Variants in CCDC92B observed in about 807,000 individuals in gnomAD.
CCDC92B encodes coiled-coil domain-containing 92B.
Under a neutral mutation model 5.6 loss-of-function variants are expected in CCDC92B, and 2 were observed. The ratio of observed to expected loss-of-function variants is 0.36; its 90% CI spans 0.15 to 1.12. The LOEUF (loss-of-function observed/expected upper bound fraction) is 1.12. Among genes scored for constraint, CCDC92B ranks in the 50% most tolerant of loss-of-function variants. The pLI, the probability that CCDC92B is intolerant of heterozygous loss-of-function variation, is 0.40. For synonymous variants in CCDC92B, 115 were observed against 122.3 expected (o/e 0.94, Z 0.39); for missense variants, 271 against 262.2 (o/e 1.03, Z -0.23).
In CCDC92B at chr17:2,737,768, G is replaced by A. The variant is rs761007041; in HGVS notation, c.-23-2600C>T. Among the ~76,000 whole-genome samples, 6 of 151,962 alleles carry A rather than the reference G, an allele frequency of 3.9e-5. No individual in the cohort carries two copies. The East Asian group carries it at 7.8e-4, about 20-fold the overall frequency. On this transcript the variant is annotated intron_variant, in intron 1 of 3. Transcript: ENST00000614400. ...TGGTATTACGGGCGTGAGCCACCGC[G>A]TCCAGCCATCCAAATAGGCCTTTAA...
At chr17:2,726,940 G>C (rs1158814695) in intron 3 of CCDC92B, among the ~76,000 whole-genome samples, 1 of 131,022 alleles carries the variant, frequency 7.6e-6, no homozygotes, top group Non-Finnish European at 1.6e-5. Context: ...TTGAGACAAA[G>C]TCTCCCTCTT....
At chr17:2,734,875 T>C in intron 2 of CCDC92B, 141 bp downstream of exon 2, 1 of 562,796 alleles carries the variant, frequency 1.8e-6, no homozygotes, top group Non-Finnish European at 2.3e-6. Flanking sequence ...AAGTCCCAGT[T>C]TCCTTAATCA....
intron 2 of CCDC92B, among the ~76,000 whole-genome samples, chr17:2,734,434 C>T (rs16952346): frequency 0.024 from 3,708 of 151,756 alleles, 149 homozygotes; most frequent in African/African-American, 0.086. Context: ...AAGAGTGACT[C>T]GGAAAGGATG....
At position 2,724,931 on chromosome 17, in the gene CCDC92B, G is replaced by T; in HGVS notation, c.248C>A (p.Ala83Asp). ...CACCTCCCGCCGCAGCTCCGCGTTG[G>T]CCGCAGCACGCGCCTCCAGCTGCGA... ...LESQLEARAA[A>D]NAELRREVAQ... The change falls in exon 4 of 4, where the codon GCC becomes GAC. Residue 83 changes from alanine to aspartate, a missense_variant. Transcript: ENST00000614400. The surrounding 1 kb of genome is among the most constrained non-coding windows in gnomAD (Gnocchi z 5.0). 2.0e-6 allele frequency: 2 copies of T among 985,470 alleles called. No homozygotes were observed. The highest frequency in any genetic ancestry group is 4.7e-5 in the South Asian group (1 of 21,298). The allele number at this position is 985,470 out of a possible 1,614,324, so 61.0% of individuals were successfully genotyped here. A position where few individuals can be genotyped will look rare whatever the true frequency, so the allele number is the denominator to read the frequency against.
rs1332758381 is a variant in CCDC92B at position 2,733,005 on chromosome 17, CCT to C, written c.130+2009_130+2010del. ...TCCAGCCTGGGCGACAGAGCAAGACCCTGTCTCAAAATAAATAAATAAATAAA... is the reference window on the plus strand; with the variant it reads ...TCCAGCCTGGGCGACAGAGCAAGACCGTCTCAAAATAAATAAATAAATAAA... On this transcript the variant is annotated intron_variant, in intron 2 of 3. Coordinates refer to ENST00000614400, the MANE Select transcript of CCDC92B (RefSeq NM_001355573.2). 2.7e-5 allele frequency among the ~76,000 whole-genome samples: 4 copies of C among 149,320 alleles called. No homozygotes were observed. In the East Asian group the frequency reaches 7.8e-4, roughly 29 times the overall value.
At chr17:2,728,565 T>C (rs1032425371) in intron 3 of CCDC92B, among the ~76,000 whole-genome samples, 2 of 148,424 alleles carry the variant, frequency 1.3e-5, no homozygotes, top group East Asian at 2.0e-4. Flanking sequence ...ACCGCACCAC[T>C]GCACTCCAGC....
intron 1 of CCDC92B, among the ~76,000 whole-genome samples, chr17:2,738,122 C>G (rs886937910): frequency 6.6e-6 from 1 of 151,968 alleles, no homozygotes; most frequent in African/African-American, 2.4e-5. Flanking sequence ...TCACTGCAGC[C>G]TCAAACTCCT....
chr17:2,730,364 A>C lies in CCDC92B; in HGVS notation c.178+82T>G, dbSNP rs951999727. The C allele has an allele frequency of 6.4e-6, 5 of 780,954 alleles. No homozygotes were observed. The African/African-American group carries it at 9.4e-5, about 15-fold the overall frequency. 48.4% of individuals were successfully genotyped at this position (780,954 alleles called of 1,614,324 possible). ...CCCAAGTCTAGGCTGGGGACAGAGA[A>C]GGTTTGGGTCCTGCAAAGGGCTGGG... On this transcript the variant is annotated intron_variant, in intron 3 of 3. Transcript: ENST00000614400.
At chr17:2,742,407 G>C (rs1390520975) in intron 1 of CCDC92B, among the ~76,000 whole-genome samples, 1 of 152,138 alleles carries the variant, frequency 6.6e-6, no homozygotes, top group Non-Finnish European at 1.5e-5. Context: ...GGTGATGGTG[G>C]CCTGGATGAG....
intron 2 of CCDC92B, among the ~76,000 whole-genome samples, chr17:2,733,698 T>C (rs1198949019): frequency 6.8e-6 from 1 of 147,786 alleles, no homozygotes; most frequent in Non-Finnish European, 1.5e-5. Context: ...GCTGACCCTG[T>C]CTGTGGAGCC....
chr17:2,739,106 G>A (rs6502493), intron 1 of CCDC92B, among the ~76,000 whole-genome samples: 145,520 of 149,768 alleles, frequency 0.97, 70,816 homozygotes, highest in East Asian at 1. Flanking sequence ...AATGGCTCAC[G>A]CCTGTAATCC....
Position 2,737,465 on chromosome 17 carries a change from C to CTTTTTTT in CCDC92B, c.-23-2304_-23-2298dup, listed in dbSNP as rs34254249. ...CCCTAATCCAACCAAATAGGCCTTT[C>CTTTTTTT]TTTTTTTTTTTTTTTTTTTTTTTTT... is the stretch of plus-strand genomic sequence containing the variant. On this transcript the variant is annotated intron_variant, in intron 1 of 3. Transcript: ENST00000614400. Among the ~76,000 whole-genome samples, 8 of 60,352 alleles carry CTTTTTTT rather than the reference C, an allele frequency of 1.3e-4. 1 individual carries two copies. The highest frequency in any genetic ancestry group is 5.3e-4 in the African/African-American group (7 of 13,250). The allele number at this position is 60,352 out of a possible 152,430, so 39.6% of individuals were successfully genotyped here. A position where few individuals can be genotyped will look rare whatever the true frequency, so the allele number is the denominator to read the frequency against.
chr17:2,748,576 C>T (rs756668132), intron 1 of CCDC92B: 2 of 985,044 alleles, frequency 2.0e-6, no homozygotes, highest in Non-Finnish European at 2.4e-6. Context: ...TGTACTAAGC[C>T]ATACGCTTCC....
At chr17:2,748,367 C>A (rs2071012749) in intron 1 of CCDC92B, 1 of 985,090 alleles carries the variant, frequency 1.0e-6, no homozygotes, top group African/African-American at 1.7e-5. Flanking sequence ...CTCTGTTCCC[C>A]AGGCAATTTG....
chr17:2,740,389 C>T (rs897883962), intron 1 of CCDC92B, among the ~76,000 whole-genome samples: 3 of 151,942 alleles, frequency 2.0e-5, no homozygotes, highest in Non-Finnish European at 2.9e-5. Context: ...AGGCTGGGCA[C>T]GGTGGTTTAT....
At chr17:2,733,984 T>C (rs1004718315) in intron 2 of CCDC92B, among the ~76,000 whole-genome samples, 20 of 151,854 alleles carry the variant, frequency 1.3e-4, no homozygotes, top group African/African-American at 4.6e-4. Flanking sequence ...GGTCTTGAAC[T>C]CCTGACCTCA....
rs556018176 is a variant in CCDC92B, at chr17:2,733,854, G to A, written c.130+1162C>T. On this transcript the variant is annotated intron_variant, in intron 2 of 3. Transcript: ENST00000614400. ...GCTCACCACAACCTCTGCCTCCCAG[G>A]TTCAAGCGATTCTCCTGCCTCAGCC... Among the ~76,000 whole-genome samples, 5 of 137,952 alleles carry A rather than the reference G, an allele frequency of 3.6e-5. No individual in the cohort carries two copies. In the East Asian group the frequency reaches 1.2e-3, roughly 34 times the overall value. 90.5% of individuals were successfully genotyped at this position (137,952 alleles called of 152,430 possible).
At chr17:2,726,725 T>A (rs1442132603) in intron 3 of CCDC92B, among the ~76,000 whole-genome samples, 1 of 151,880 alleles carries the variant, frequency 6.6e-6, no homozygotes, top group African/African-American at 2.4e-5. Context: ...GCGATTCTCC[T>A]GCCTCAGCCT....
At chr17:2,728,419 A>G (rs1342318771) in intron 3 of CCDC92B, among the ~76,000 whole-genome samples, 3 of 152,040 alleles carry the variant, frequency 2.0e-5, no homozygotes, top group Admixed American at 6.6e-5. Context: ...CATCCTGGCT[A>G]ACACGGTGAA....
Sources: gnomAD v4.1 joint callset for allele counts (sites outside exome capture counted in the v4.1 genomes callset) on GRCh38, gnomAD v4.1.1 for gene constraint, Gnocchi (gnomAD v3.1) non-coding constraint, MANE v1.5 for transcripts, NCBI Gene and HGNC (gene_info 2026-07-23, HGNC 2026-07-21) for gene names.